Variants in LRMDA observed in about 807,000 individuals in gnomAD.
The protein encoded by LRMDA is leucine rich melanocyte differentiation associated, also known as leucine-rich melanocyte differentiation-associated protein.
A neutral mutation model predicts 29.8 loss-of-function variants in LRMDA; 18 were observed. That is an observed-to-expected ratio of 0.60 (90% confidence interval 0.42 to 0.90). The LOEUF is 0.90. LRMDA is among the 40% of genes least tolerant of loss of function. The probability of loss-of-function intolerance (pLI) is 0.00; values close to 1 mark genes in which losing one functional copy is unlikely to be tolerated. For synonymous variants in LRMDA, 125 were observed against 109.4 expected (o/e 1.14, Z -0.89); for missense variants, 273 against 273.9 (o/e 1.00, Z 0.02).
At chr10:76,542,771 A>C (rs921053078) in intron 6 of LRMDA, among the ~76,000 whole-genome samples, 40 of 152,204 alleles carry the variant, frequency 2.6e-4, no homozygotes, top group African/African-American at 9.4e-4. Flanking sequence ...TATCCTTCAG[A>C]TATGTCTTCC....
chr10:75,898,340 A>C (rs978538676), intron 2 of LRMDA, among the ~76,000 whole-genome samples: 3 of 152,232 alleles, frequency 2.0e-5, no homozygotes, highest in African/African-American at 7.2e-5. Context: ...AAAGATATCA[A>C]AGCAGGTCCA....
At chr10:75,662,455 G>A (rs1841766545) in intron 2 of LRMDA, among the ~76,000 whole-genome samples, 1 of 152,100 alleles carries the variant, frequency 6.6e-6, no homozygotes, top group African/African-American at 2.4e-5. Context: ...TGAGGGTCTG[G>A]GTGGGAAGGA....
intron 2 of LRMDA, among the ~76,000 whole-genome samples, chr10:75,621,803 C>T (rs1191241265): frequency 1.3e-5 from 2 of 152,086 alleles, no homozygotes; most frequent in Non-Finnish European, 2.9e-5. Context: ...CTGCTGGGAC[C>T]CTGATCTGAT....
chr10:75,825,364 G>A (rs1359404528), intron 2 of LRMDA, among the ~76,000 whole-genome samples: 1 of 152,214 alleles, frequency 6.6e-6, no homozygotes, highest in Admixed American at 6.5e-5. Context: ...ACAGTATTCA[G>A]AATGAATTAT....
At chr10:75,524,497 C>T (rs965716783) in intron 2 of LRMDA, among the ~76,000 whole-genome samples, 8 of 152,102 alleles carry the variant, frequency 5.3e-5, no homozygotes, top group African/African-American at 1.7e-4. Context: ...AGAATATTTA[C>T]AAAACACCTA....
At chr10:75,554,701 T>C (rs1236044259) in intron 2 of LRMDA, among the ~76,000 whole-genome samples, 1 of 152,174 alleles carries the variant, frequency 6.6e-6, no homozygotes, top group Non-Finnish European at 1.5e-5. Flanking sequence ...TGTGAGCTTT[T>C]AGAGTTGTAG....
chr10:75,453,840 AG>A (rs1185270070), intron 2 of LRMDA, among the ~76,000 whole-genome samples: 7 of 152,230 alleles, frequency 4.6e-5, no homozygotes, highest in African/African-American at 1.4e-4. Flanking sequence ...CACCCATCAT[AG>A]GGGCCATGGC....
chr10:75,550,274 AT>A (rs1422512236), intron 2 of LRMDA, among the ~76,000 whole-genome samples: 1 of 152,116 alleles, frequency 6.6e-6, no homozygotes, highest in African/African-American at 2.4e-5. Context: ...TTTTATATAA[AT>A]TACTAAGAGA....
intron 5 of LRMDA, among the ~76,000 whole-genome samples, chr10:76,147,684 T>C (rs57597699): frequency 0.14 from 20,972 of 152,038 alleles, 1,602 homozygotes; most frequent in East Asian, 0.24. Context: ...TTCTCTCAAC[T>C]CGTCAAAGTC....
At chr10:75,884,408 C>T (rs1845347345) in intron 2 of LRMDA, among the ~76,000 whole-genome samples, 1 of 152,094 alleles carries the variant, frequency 6.6e-6, no homozygotes, top group Non-Finnish European at 1.5e-5. Context: ...TTTCTCAGGG[C>T]TGCTGGAGGT....
intron 2 of LRMDA, among the ~76,000 whole-genome samples, chr10:75,877,887 C>T (rs1350759502): frequency 3.9e-5 from 6 of 152,054 alleles, no homozygotes; most frequent in African/African-American, 1.2e-4. Context: ...GAACCTTTCT[C>T]GGGGATGACA....
chr10:76,383,775 C>T (rs1037413757), intron 6 of LRMDA, among the ~76,000 whole-genome samples: 1 of 152,116 alleles, frequency 6.6e-6, no homozygotes, highest in East Asian at 1.9e-4. Context: ...GACTAGAAGG[C>T]CCTGCCGTAC....
intron 2 of LRMDA, among the ~76,000 whole-genome samples, chr10:75,872,928 G>A (rs559532758): frequency 2.6e-5 from 4 of 152,108 alleles, no homozygotes; most frequent in Non-Finnish European, 5.9e-5. Context: ...GGCAAGGCTG[G>A]TTATGTCCTC....
chr10:76,501,890 T>C (rs1842913677), intron 6 of LRMDA, among the ~76,000 whole-genome samples: 1 of 152,200 alleles, frequency 6.6e-6, no homozygotes, highest in Middle Eastern at 3.4e-3. Context: ...ATTTTTGTTT[T>C]AGTTACAATT....
intron 2 of LRMDA, among the ~76,000 whole-genome samples, chr10:76,034,202 A>G (rs1848200933): frequency 6.6e-6 from 1 of 151,818 alleles, no homozygotes; most frequent in Non-Finnish European, 1.5e-5. Context: ...TTTTGTTTGT[A>G]TTTTTTGTGG....
chr10:76,090,829 G>A (rs759643828), intron 5 of LRMDA, among the ~76,000 whole-genome samples: 12 of 152,174 alleles, frequency 7.9e-5, no homozygotes, highest in African/African-American at 1.4e-4. Context: ...AAGAGGGGTC[G>A]TGAGGGGCTG....
chr10:76,200,786 C>T (rs777934863), intron 5 of LRMDA, among the ~76,000 whole-genome samples: 1 of 150,466 alleles, frequency 6.6e-6, no homozygotes, highest in East Asian at 1.9e-4. Flanking sequence ...GGCACAATCT[C>T]GGCTCACTGC....
chr10:76,396,501 T>C (rs1342696938), intron 6 of LRMDA: 1 of 152,224 alleles, frequency 6.6e-6, no homozygotes, highest in Non-Finnish European at 1.5e-5. Context: ...ACTTCCCCAG[T>C]GAACCTGCAG....
rs1309502495 is a variant in LRMDA, at chr10:76,105,758, TG to T, written c.516+46976del. 2.0e-5 allele frequency among the ~76,000 whole-genome samples: 3 copies of T among 152,338 alleles called. No individual in the cohort carries two copies. In the East Asian group the frequency reaches 5.8e-4, roughly 29 times the overall value. ...GGAATAAATTTGTGCTGTTTTGTTTTGTTTTTTTGAGATAGTCTTGCTCTGT... is the reference window on the plus strand; with the variant it reads ...GGAATAAATTTGTGCTGTTTTGTTTTTTTTTTTGAGATAGTCTTGCTCTGT... On this transcript the variant is annotated intron_variant, in intron 5 of 6. Transcript: ENST00000611255.
Sources: allele counts gnomAD v4.1 joint callset (sites outside exome capture counted in the v4.1 genomes callset), GRCh38; gene constraint gnomAD v4.1.1; transcripts MANE v1.5; gene names NCBI Gene and HGNC (gene_info 2026-07-23, HGNC 2026-07-21).